The following LRRC8C variants were observed in gnomAD, a reference collection of about 807,000 sequenced individuals.
The protein encoded by LRRC8C is volume-regulated anion channel subunit LRRC8C.
LRRC8C carries 20 observed loss-of-function variants against 55.3 expected under a neutral mutation model. The ratio of observed to expected loss-of-function variants is 0.36; its 90% confidence interval spans 0.25 to 0.53. LRRC8C has a LOEUF of 0.53. LRRC8C is among the 20% of genes least tolerant of loss of function. The probability of loss-of-function intolerance (pLI) is 0.92; values close to 1 mark genes in which losing one functional copy is unlikely to be tolerated. For missense variants in LRRC8C, 659 were observed against 951.4 expected (o/e 0.69, Z 4.04); for synonymous variants, 376 against 360.7 (o/e 1.04, Z -0.48).
chr1:89,697,874 A>T (rs1658218879), intron 2 of LRRC8C, among the ~76,000 whole-genome samples: 1 of 152,194 alleles, frequency 6.6e-6, no homozygotes, highest in Admixed American at 6.5e-5. Flanking sequence ...ACCAAGATAG[A>T]GGTAATAAAA....
intron 1 of LRRC8C, among the ~76,000 whole-genome samples, chr1:89,686,240 G>A (rs757174500): frequency 6.6e-6 from 1 of 152,158 alleles, no homozygotes; most frequent in East Asian, 1.9e-4. Context: ...GAGCACAAAG[G>A]GAACCTTGTC....
chr1:89,633,537 C>G (rs931458240), intron 1 of LRRC8C, among the ~76,000 whole-genome samples: 2 of 152,226 alleles, frequency 1.3e-5, no homozygotes, highest in African/African-American at 4.8e-5. Context: ...ACCCCTACCC[C>G]ACCCAATCCG....
intron 2 of LRRC8C, among the ~76,000 whole-genome samples, chr1:89,704,098 T>C (rs2101335253): frequency 6.6e-6 from 1 of 152,214 alleles, no homozygotes. Context: ...AAGGTATATA[T>C]TTGAGTTTTC....
chr1:89,705,842 A>C (rs1658466669), intron 2 of LRRC8C, among the ~76,000 whole-genome samples: 3 of 152,156 alleles, frequency 2.0e-5, no homozygotes, highest in African/African-American at 7.2e-5. Context: ...AATAAAATAC[A>C]TAGACAGACA....
Position 89,661,339 on chromosome 1 carries a change from G to A in LRRC8C, c.-4-25131G>A, listed in dbSNP as rs535506903. ...TTCTTTCTGTCCCAACTAACATCTG[G>A]ATTGAACAATGCCAGACACGAGATA... is the stretch of plus-strand genomic sequence containing the variant. On this transcript the variant is annotated intron_variant, in intron 1 of 2. Coordinates refer to ENST00000370454, the MANE Select transcript of LRRC8C (RefSeq NM_032270.5). 30 of 351,018 alleles carry A rather than the reference G, an allele frequency of 8.5e-5. 1 individual carries two copies. The highest frequency in any genetic ancestry group is 6.7e-4 in the South Asian group (24 of 35,558). The allele number at this position is 351,018 out of a possible 1,614,324, so 21.7% of individuals were successfully genotyped here. A position where few individuals can be genotyped will look rare whatever the true frequency, so the allele number is the denominator to read the frequency against.
intron 1 of LRRC8C, among the ~76,000 whole-genome samples, chr1:89,647,281 T>G (rs4520403): frequency 0.56 from 84,663 of 151,938 alleles, 24,005 homozygotes; most frequent in East Asian, 0.79. Flanking sequence ...TCAAAGTGCC[T>G]CCTCCTTTTT....
At chr1:89,709,325 T>G (rs1486579992) in intron 2 of LRRC8C, among the ~76,000 whole-genome samples, 1 of 152,224 alleles carries the variant, frequency 6.6e-6, no homozygotes, top group African/African-American at 2.4e-5. Context: ...TCTTCTTCTG[T>G]AGAACGGAGA....
chr1:89,653,830 A>G (rs958126776), intron 1 of LRRC8C, among the ~76,000 whole-genome samples: 5 of 152,226 alleles, frequency 3.3e-5, no homozygotes, highest in Admixed American at 6.5e-5. Context: ...TTGGAGTGAA[A>G]TTAACAATTA....
chr1:89,714,970 G>A lies in LRRC8C; in HGVS notation c.2400G>A (p.Met800Ile), dbSNP rs12036569. The A allele has an allele frequency of 7.2e-4, 1,143 of 1,580,514 alleles. 16 individuals carry two copies. In the East Asian group the frequency reaches 0.024, roughly 33 times the overall value. The change falls in exon 3 of 3, where the codon ATG becomes ATA. Residue 800 changes from methionine to isoleucine, a missense_variant. Physicochemically the swap from Met to Ile is conservative, Grantham distance 10. This residue lies in a region of LRRC8C where 344 missense variants were observed against 464.6 expected (regional missense o/e 0.74). Coordinates refer to ENST00000370454, the MANE Select transcript of LRRC8C (RefSeq NM_032270.5). The surrounding 1 kb of genome is among the most constrained non-coding windows in gnomAD (Gnocchi z 4.6). ...ETLPSDVREQ[M>I]KTE ...TGCCTTCTGACGTCCGGGAGCAAAT[G>A]AAAACAGAATAACTTATTTTTCGTT...
intron 1 of LRRC8C, among the ~76,000 whole-genome samples, chr1:89,668,546 G>T (rs975994495): frequency 2.6e-4 from 40 of 152,230 alleles, no homozygotes; most frequent in Admixed American, 1.2e-3. Flanking sequence ...TCCTGAAAGA[G>T]GTGAATTTCC....
At chr1:89,680,319 C>A (rs919755232) in intron 1 of LRRC8C, among the ~76,000 whole-genome samples, 1 of 151,964 alleles carries the variant, frequency 6.6e-6, no homozygotes, top group East Asian at 1.9e-4. Context: ...CCTTGTGATC[C>A]GCCCACCTCG....
chr1:89,680,324 A>G (rs547625807), intron 1 of LRRC8C, among the ~76,000 whole-genome samples: 18 of 152,038 alleles, frequency 1.2e-4, no homozygotes, highest in Admixed American at 2.6e-4. Context: ...TGATCCGCCC[A>G]CCTCGGCCTC....
intron 1 of LRRC8C, among the ~76,000 whole-genome samples, chr1:89,680,447 A>G (rs189368508): frequency 7.2e-5 from 11 of 152,008 alleles, no homozygotes; most frequent in Non-Finnish European, 1.5e-4. Context: ...TGGATCTACT[A>G]AAATAGTTTT....
chr1:89,676,301 A>G (rs940355973), intron 1 of LRRC8C: 1 of 152,232 alleles, frequency 6.6e-6, no homozygotes, highest in Non-Finnish European at 1.5e-5. Flanking sequence ...CTCAGAAGAC[A>G]TTACTGATCA....
At chr1:89,683,914 C>A (rs1311075547) in intron 1 of LRRC8C, among the ~76,000 whole-genome samples, 2 of 152,114 alleles carry the variant, frequency 1.3e-5, no homozygotes, top group East Asian at 3.8e-4. Flanking sequence ...TAATAGATTG[C>A]AGAAGCAGAT....
upstream of LRRC8C, chr1:89,632,151 G>A (rs1479598644): frequency 6.6e-6 from 1 of 152,178 alleles, no homozygotes; most frequent in African/African-American, 2.4e-5. Flanking sequence ...TTTTCACTGG[G>A]CAGAGATTTT....
rs368383963 is a variant in LRRC8C at position 89,651,307 on chromosome 1, G to A, written c.-5+17985G>A. On this transcript the variant is annotated intron_variant, in intron 1 of 2. Transcript: ENST00000370454. ...ACATAGGCCAGGCATAGTGGCTCAC[G>A]CCTGTAATCCCAACACTTTGGGAGG... Among the ~76,000 whole-genome samples the A allele has an allele frequency of 2.2e-4, 33 of 152,182 alleles. 1 individual carries two copies. The highest frequency in any genetic ancestry group is 7.5e-4 in the African/African-American group (31 of 41,526).
chr1:89,709,620 A>T (rs535258443), intron 2 of LRRC8C, among the ~76,000 whole-genome samples: 9 of 152,042 alleles, frequency 5.9e-5, no homozygotes, highest in African/African-American at 2.2e-4. Flanking sequence ...AATGGGGCCC[A>T]CTTGGTTGCT....
chr1:89,633,872 C>T (rs1656205917), intron 1 of LRRC8C, among the ~76,000 whole-genome samples: 1 of 152,172 alleles, frequency 6.6e-6, no homozygotes, highest in Non-Finnish European at 1.5e-5. Context: ...TCAGCTTGAT[C>T]GGGCGGGCCC....
Sources: allele counts gnomAD v4.1 joint callset (sites outside exome capture counted in the v4.1 genomes callset), GRCh38; gene constraint gnomAD v4.1.1; regional missense constraint gnomAD v4.1.1; non-coding constraint Gnocchi (gnomAD v3.1); transcripts MANE v1.5; gene names NCBI Gene and HGNC (gene_info 2026-07-23, HGNC 2026-07-21).